RORA: variants seen among roughly 807,000 people sequenced by gnomAD.
RORA encodes nuclear receptor ROR-alpha.
Under a neutral mutation model 69.5 loss-of-function variants are expected in RORA, and 7 were observed. That is an observed-to-expected ratio of 0.10 (90% confidence interval 0.06 to 0.19). RORA has a LOEUF of 0.19. Ranked by LOEUF, RORA falls within the 10% of genes least tolerant of loss-of-function variation. The probability of loss-of-function intolerance (pLI) is 1.00; values close to 1 mark genes in which losing one functional copy is unlikely to be tolerated. For synonymous variants in RORA, 261 were observed against 240.8 expected (o/e 1.08, Z -0.78); for missense variants, 457 against 663.0 (o/e 0.69, Z 3.41).
intron 3 of RORA, among the ~76,000 whole-genome samples, chr15:60,515,247 G>A (rs1247764667): frequency 6.6e-6 from 1 of 152,108 alleles, no homozygotes; most frequent in Non-Finnish European, 1.5e-5. Flanking sequence ...TCAACACACG[G>A]CCCTTTAGGC....
chr15:60,750,688 T>C (rs2071711507), intron 1 of RORA, among the ~76,000 whole-genome samples: 1 of 152,198 alleles, frequency 6.6e-6, no homozygotes, highest in East Asian at 1.9e-4. Flanking sequence ...TAGTAATCTA[T>C]TCCCTTTTGT....
At chr15:61,220,245 C>T (rs1003547357) in intron 1 of RORA, among the ~76,000 whole-genome samples, 7 of 152,178 alleles carry the variant, frequency 4.6e-5, no homozygotes, top group Non-Finnish European at 8.8e-5. Flanking sequence ...ATTACCTGGA[C>T]AATTGAGAGT....
rs1211125623 is a variant in RORA, at chr15:61,018,173, C to T, written c.166+210880G>A. ...GAAAAGTGATAAAATGGAACATCTT[C>T]GTAATTGTCCATAATCCAGGCTCCT... On this transcript the variant is annotated intron_variant, in intron 1 of 10. Transcript: ENST00000335670. 7.2e-5 allele frequency among the ~76,000 whole-genome samples: 11 copies of T among 152,258 alleles called. 1 individual carries two copies. The highest frequency in any genetic ancestry group is 4.1e-4 in the South Asian group (2 of 4,820).
At chr15:60,850,556 C>T (rs1170707528) in intron 1 of RORA, among the ~76,000 whole-genome samples, 1 of 152,128 alleles carries the variant, frequency 6.6e-6, no homozygotes, top group African/African-American at 2.4e-5. Context: ...TATATGATGC[C>T]TAAGAGACAC....
In RORA at chr15:61,064,824, C is replaced by T. The variant is rs368641510; in HGVS notation, c.166+164229G>A. On this transcript the variant is annotated intron_variant, in intron 1 of 10. Coordinates refer to ENST00000335670, the MANE Select transcript of RORA (RefSeq NM_134261.3). ...GAAGCAGAACTCTAGAATTTCTAGG[C>T]TATAAGCCAACTTGGGAGCAATAAA... is the stretch of plus-strand genomic sequence containing the variant. 1.8e-4 allele frequency among the ~76,000 whole-genome samples: 28 copies of T among 152,222 alleles called. 1 individual carries two copies. In the East Asian group the frequency reaches 4.1e-3, roughly 22 times the overall value.
At chr15:61,055,805 C>A (rs560500585) in intron 1 of RORA, among the ~76,000 whole-genome samples, 1 of 152,224 alleles carries the variant, frequency 6.6e-6, no homozygotes, top group Non-Finnish European at 1.5e-5. Context: ...GGATTTGAGA[C>A]ACGTTTTCAG....
chr15:61,140,885 C>T (rs937507683), intron 1 of RORA, among the ~76,000 whole-genome samples: 1 of 152,096 alleles, frequency 6.6e-6, no homozygotes, highest in Non-Finnish European at 1.5e-5. Flanking sequence ...ACACCAAACA[C>T]CTTCCTAACT....
chr15:60,581,720 T>C (rs1301005946), intron 2 of RORA, among the ~76,000 whole-genome samples: 1 of 152,236 alleles, frequency 6.6e-6, no homozygotes, highest in Non-Finnish European at 1.5e-5. Flanking sequence ...TTAAGGTGCT[T>C]ACATCACACC....
At chr15:61,096,578 T>C (rs1031222667) in intron 1 of RORA, among the ~76,000 whole-genome samples, 1 of 152,068 alleles carries the variant, frequency 6.6e-6, no homozygotes, top group African/African-American at 2.4e-5. Context: ...ATGAGAGAGG[T>C]TATAATCCCC....
At chr15:60,518,153 T>C (rs1471843195) in intron 3 of RORA, among the ~76,000 whole-genome samples, 1 of 152,220 alleles carries the variant, frequency 6.6e-6, no homozygotes, top group Non-Finnish European at 1.5e-5. Flanking sequence ...TGCGAGCCCA[T>C]GTATCTGGCA....
At chr15:60,973,739 C>G (rs940228) in intron 1 of RORA, among the ~76,000 whole-genome samples, 149,861 of 152,286 alleles carry the variant, frequency 0.98, 73,800 homozygotes, top group Middle Eastern at 1. Context: ...AAAGAGAAAA[C>G]TCACCTTGGC....
chr15:60,842,378 T>A (rs960153881), intron 1 of RORA, among the ~76,000 whole-genome samples: 2 of 152,180 alleles, frequency 1.3e-5, no homozygotes, highest in Non-Finnish European at 2.9e-5. Context: ...TGACCCTAAC[T>A]TACTGTTCAA....
intron 1 of RORA, among the ~76,000 whole-genome samples, chr15:61,064,404 C>T (rs1265417217): frequency 6.6e-6 from 1 of 152,212 alleles, no homozygotes; most frequent in Non-Finnish European, 1.5e-5. Context: ...CCCACTCTTA[C>T]TGGCTTTATA....
chr15:60,581,821 T>G (rs1299973919), intron 2 of RORA, among the ~76,000 whole-genome samples: 1 of 152,222 alleles, frequency 6.6e-6, no homozygotes, highest in Non-Finnish European at 1.5e-5. Context: ...ATTAGGAAGT[T>G]AAATGATATT....
At position 60,838,928 on chromosome 15, in the gene RORA, A is replaced by T. The variant is rs1233892685; in HGVS notation, c.167-160242T>A. ...TTTTCAGAGGGTGTCTCACTCTGTC[A>T]CTCAGGCTGGAGTGCAGTGGCGCGA... On this transcript the variant is annotated intron_variant, in intron 1 of 10. Transcript: ENST00000335670. Among the ~76,000 whole-genome samples the T allele has an allele frequency of 2.7e-5, 4 of 146,390 alleles. No individual in the cohort carries two copies. The East Asian group carries it at 6.0e-4, about 22-fold the overall frequency.
chr15:60,803,253 C>T (rs573291681), intron 1 of RORA, among the ~76,000 whole-genome samples: 13 of 152,286 alleles, frequency 8.5e-5, no homozygotes, highest in East Asian at 1.9e-4. Flanking sequence ...TTGCCTTTCA[C>T]GTGCACATCC....
chr15:61,023,187 CAAAAAAAAAAA>C (rs35185635), intron 1 of RORA, among the ~76,000 whole-genome samples: 9,454 of 76,108 alleles, frequency 0.12, 435 homozygotes, highest in East Asian at 0.25. Context: ...GACTCTGCCT[CAAAAAAAAAAA>C]AAAAAAAAAA....
Position 60,984,399 on chromosome 15 carries a change from GCTA to G in RORA, c.166+244651_166+244653del, listed in dbSNP as rs1479057855. ...GCAATTAATTGCTTTTACCAATAATGCTACTAATTATTTTAATTATTTAATATT... is the reference window on the plus strand; with the variant it reads ...GCAATTAATTGCTTTTACCAATAATGCTAATTATTTTAATTATTTAATATT... On this transcript the variant is annotated intron_variant, in intron 1 of 10. Coordinates refer to ENST00000335670, the MANE Select transcript of RORA (RefSeq NM_134261.3). Among the ~76,000 whole-genome samples the G allele has an allele frequency of 1.9e-4, 29 of 151,182 alleles. 1 individual carries two copies. The East Asian group carries it at 3.7e-3, about 19-fold the overall frequency.
rs141677996 is a variant in RORA, at chr15:60,982,381, C to T, written c.166+246672G>A. 6.0e-3 allele frequency among the ~76,000 whole-genome samples: 907 copies of T among 152,352 alleles called. 9 individuals carry two copies. The highest frequency in any genetic ancestry group is 0.021 in the African/African-American group (862 of 41,580). On this transcript the variant is annotated intron_variant, in intron 1 of 10. Transcript: ENST00000335670. The stretch of plus-strand genomic sequence containing the variant: ...AAAGACCTTATTCCCTACAGCATGT[C>T]ATTCCCTAGACTTTGCTTCCAAGTT...
Sources: gnomAD v4.1 joint callset for allele counts (sites outside exome capture counted in the v4.1 genomes callset) on GRCh38, gnomAD v4.1.1 for gene constraint, MANE v1.5 for transcripts, NCBI Gene and HGNC (gene_info 2026-07-23, HGNC 2026-07-21) for gene names.